MAST2: variants seen among roughly 807,000 people sequenced by gnomAD.
The protein encoded by MAST2 is microtubule-associated serine/threonine-protein kinase 2.
Under a neutral mutation model 147.4 loss-of-function variants are expected in MAST2, and 70 were observed. The observed-to-expected ratio is 0.47, with a 90% CI of 0.39 to 0.58. The LOEUF (loss-of-function observed/expected upper bound fraction) is 0.58. Ranked by LOEUF, MAST2 falls within the 20% of genes least tolerant of loss-of-function variation. MAST2 has a pLI of 0.00. For missense variants in MAST2, 2,080 were observed against 2,302.3 expected (o/e 0.90, Z 1.98); for synonymous variants, 869 against 896.8 (o/e 0.97, Z 0.55).
intron 4 of MAST2, among the ~76,000 whole-genome samples, chr1:45,893,095 G>T (rs572141408): frequency 6.6e-6 from 1 of 152,242 alleles, no homozygotes; most frequent in Non-Finnish European, 1.5e-5. Flanking sequence ...TAAAACTCCA[G>T]TCCTATACAT....
intron 2 of MAST2, among the ~76,000 whole-genome samples, chr1:45,828,925 CAA>C (rs1227782052): frequency 2.3e-5 from 3 of 131,192 alleles, no homozygotes; most frequent in Admixed American, 7.7e-5. Context: ...CACTCTGTCT[CAA>C]AAAAAAAAAA....
chr1:45,915,436 C>T (rs908796903), intron 4 of MAST2, among the ~76,000 whole-genome samples: 4 of 152,184 alleles, frequency 2.6e-5, no homozygotes, highest in South Asian at 2.1e-4. Context: ...GCCGGCCAGG[C>T]GCGGTGGCTT....
At chr1:45,904,618 A>C (rs1650361430) in intron 4 of MAST2, among the ~76,000 whole-genome samples, 1 of 151,900 alleles carries the variant, frequency 6.6e-6, no homozygotes, top group Non-Finnish European at 1.5e-5. Flanking sequence ...GACACATGCC[A>C]CCATACCCAG....
At chr1:45,829,402 T>C (rs377678721) in intron 2 of MAST2, 37 bp from the exon 3 acceptor site, 7 of 1,573,504 alleles carry the variant, frequency 4.4e-6, no homozygotes, top group African/African-American at 1.4e-5. Context: ...TATCAATAAA[T>C]AATTACATGT....
At chr1:45,826,767 C>T (rs1644805835) in intron 2 of MAST2, among the ~76,000 whole-genome samples, 2 of 151,992 alleles carry the variant, frequency 1.3e-5, no homozygotes, top group South Asian at 2.1e-4. Flanking sequence ...GTTTTTTCAC[C>T]CCCTCATTAT....
intron 3 of MAST2, among the ~76,000 whole-genome samples, chr1:45,850,357 T>C (rs1645585454): frequency 6.6e-6 from 1 of 152,244 alleles, no homozygotes; most frequent in African/African-American, 2.4e-5. Flanking sequence ...CTTTGTCAGA[T>C]GCATAGTTTG....
chr1:45,948,180 T>A (rs1244117148), intron 4 of MAST2, among the ~76,000 whole-genome samples: 2 of 152,042 alleles, frequency 1.3e-5, no homozygotes, highest in Admixed American at 1.3e-4. Flanking sequence ...ATAAAATACC[T>A]AGGAATACAG....
intron 1 of MAST2, 87 bp from the exon 2 acceptor site, chr1:45,824,346 T>G: frequency 1.0e-6 from 1 of 970,152 alleles, no homozygotes; most frequent in Non-Finnish European, 1.4e-6. Context: ...TAAATTGTAG[T>G]GAATGCTGTA....
At position 46,029,446 on chromosome 1, in the gene MAST2, C is replaced by T; in HGVS notation, c.2219-20C>T. 6.3e-7 allele frequency: 1 copy of T among 1,597,660 alleles called. No individual in the cohort carries two copies. Among genetic ancestry groups the T allele is most frequent in the African/African-American group, 1.3e-5 (1 of 74,410 alleles). ...TCTACCCACAATTTCTCCTTTCCCT[C>T]TCACCCCTGATGACTTCAGATGAGA... is the stretch of plus-strand genomic sequence containing the variant. On this transcript the variant is annotated intron_variant, in intron 18 of 28. Coordinates refer to ENST00000361297, the MANE Select transcript of MAST2 (RefSeq NM_015112.3).
chr1:45,911,111 T>A (rs1426838177), intron 4 of MAST2, among the ~76,000 whole-genome samples: 1 of 152,178 alleles, frequency 6.6e-6, no homozygotes, highest in Non-Finnish European at 1.5e-5. Flanking sequence ...AATGTGTGAA[T>A]GAATAAGAGA....
Position 45,830,147 on chromosome 1 carries a change from A to C in MAST2, c.468+566A>C, listed in dbSNP as rs1256960288. Among the ~76,000 whole-genome samples the C allele has an allele frequency of 4.4e-5, 6 of 136,096 alleles. No homozygotes were observed. In the South Asian group the frequency reaches 7.2e-4, roughly 16 times the overall value. 89.3% of individuals were successfully genotyped at this position (136,096 alleles called of 152,430 possible). On this transcript the variant is annotated intron_variant, in intron 3 of 28. Coordinates refer to ENST00000361297, the MANE Select transcript of MAST2 (RefSeq NM_015112.3). ...GCTGGGATTACAGGTGTGGGCCACC[A>C]CTCCCGGCCTTAAGAATGAAATTTT...
intron 3 of MAST2, among the ~76,000 whole-genome samples, chr1:45,881,941 C>A (rs1646862374): frequency 7.0e-6 from 1 of 142,504 alleles, no homozygotes; most frequent in African/African-American, 2.6e-5. Flanking sequence ...CTTTGGGAGG[C>A]CGAGGCGGGC....
At chr1:45,912,132 G>T (rs1235678149) in intron 4 of MAST2, among the ~76,000 whole-genome samples, 2 of 151,892 alleles carry the variant, frequency 1.3e-5, no homozygotes, top group African/African-American at 4.8e-5. Flanking sequence ...CTGAACTGGG[G>T]ATTCTGAAAA....
At chr1:45,830,760 C>T (rs867443102) in intron 3 of MAST2, among the ~76,000 whole-genome samples, 1 of 150,782 alleles carries the variant, frequency 6.6e-6, no homozygotes, top group East Asian at 1.9e-4. Context: ...CAGTGGCTTA[C>T]GTCTCTAATT....
At position 46,023,735 on chromosome 1, in the gene MAST2, A is replaced by C; in HGVS notation, c.1572-37A>C. The C allele has an allele frequency of 6.3e-7, 1 of 1,595,158 alleles. No individual in the cohort carries two copies. The highest frequency in any genetic ancestry group is 8.6e-7 in the Non-Finnish European group (1 of 1,166,192). ...GGCAGAGAGCACAGCTCAGGTGCTG[A>C]GGGTCCATGGGGGATGGGCCGGACT... On this transcript the variant is annotated intron_variant, in intron 14 of 28. Coordinates refer to ENST00000361297, the MANE Select transcript of MAST2 (RefSeq NM_015112.3). This position sits in a 1 kb window ranked among gnomAD's most constrained non-coding sequence, Gnocchi z 4.9.
At position 46,023,180 on chromosome 1, in the gene MAST2, G is replaced by A; in HGVS notation, c.1486-53G>A. ...ATGCTAGAGCCACAGCTTCTGCAAG[G>A]ATATGGGCTCTGAGAAGCATGCCTG... On this transcript the variant is annotated intron_variant, in intron 13 of 28. Coordinates refer to ENST00000361297, the MANE Select transcript of MAST2 (RefSeq NM_015112.3). This position sits in a 1 kb window ranked among gnomAD's most constrained non-coding sequence, Gnocchi z 4.9. The A allele has an allele frequency of 6.7e-7, 1 of 1,497,950 alleles. No homozygotes were observed. Among genetic ancestry groups the A allele is most frequent in the South Asian group, 1.1e-5 (1 of 88,836 alleles). 92.8% of individuals were successfully genotyped at this position (1,497,950 alleles called of 1,614,324 possible).
intron 4 of MAST2, among the ~76,000 whole-genome samples, chr1:45,927,120 G>A (rs1654499858): frequency 6.6e-6 from 1 of 152,142 alleles, no homozygotes; most frequent in Non-Finnish European, 1.5e-5. Context: ...TTTCAAAAGG[G>A]GAGGGAGTGT....
intron 4 of MAST2, among the ~76,000 whole-genome samples, chr1:45,889,995 G>A (rs184814615): frequency 9.2e-5 from 14 of 152,094 alleles, no homozygotes; most frequent in East Asian, 3.9e-4. Context: ...CGCCTGCCTC[G>A]GCCTCCCAAA....
chr1:45,858,353 C>G (rs1257046104), intron 3 of MAST2, among the ~76,000 whole-genome samples: 1 of 152,118 alleles, frequency 6.6e-6, no homozygotes, highest in Non-Finnish European at 1.5e-5. Context: ...TTGCATTTCT[C>G]TGATGGCCAG....
Sources: gnomAD v4.1 joint callset for allele counts (sites outside exome capture counted in the v4.1 genomes callset) on GRCh38, gnomAD v4.1.1 for gene constraint, Gnocchi (gnomAD v3.1) non-coding constraint, MANE v1.5 for transcripts, NCBI Gene and HGNC (gene_info 2026-07-23, HGNC 2026-07-21) for gene names.